The following DCBLD2 variants were observed in gnomAD, a reference collection of about 807,000 sequenced individuals.
The protein encoded by DCBLD2 is discoidin, CUB and LCCL domain containing 2, also known as discoidin, CUB and LCCL domain-containing protein 2.
In DCBLD2, 54 loss-of-function variants were observed where a neutral mutation model predicts 86.8. The ratio of observed to expected loss-of-function variants is 0.62; its 90% confidence interval spans 0.50 to 0.78. DCBLD2 has a LOEUF of 0.78. Among genes scored for constraint, DCBLD2 ranks in the 30% least tolerant of loss-of-function variants. The pLI, the probability that DCBLD2 is intolerant of heterozygous loss-of-function variation, is 0.00. For missense variants in DCBLD2, 908 were observed against 954.2 expected, an observed-to-expected ratio of 0.95 and a Z score of 0.64; for synonymous variants, 354 against 341.3, an observed-to-expected ratio of 1.04 and a Z score of -0.41.
intron 3 of DCBLD2, among the ~76,000 whole-genome samples, chr3:98,844,034 G>GCACAAACA (rs1553727570): frequency 6.9e-6 from 1 of 145,526 alleles, no homozygotes. Flanking sequence ...AATCATGCAT[G>GCACAAACA]CACACACACA....
At chr3:98,880,712 T>G (rs1243454725) in intron 2 of DCBLD2, among the ~76,000 whole-genome samples, 1 of 152,202 alleles carries the variant, frequency 6.6e-6, no homozygotes, top group Non-Finnish European at 1.5e-5. Flanking sequence ...CTGTTTACTT[T>G]TCTAAGCACG....
In DCBLD2 at chr3:98,799,112, C is replaced by CT. The variant is rs1244023901; in HGVS notation, c.*259dup. The CT allele has an allele frequency of 8.8e-6, 3 of 340,900 alleles. No homozygotes were observed. The highest frequency in any genetic ancestry group is 1.6e-5 in the Non-Finnish European group (3 of 186,442). 21.1% of individuals were successfully genotyped at this position (340,900 alleles called of 1,614,324 possible). A position where few individuals can be genotyped will look rare whatever the true frequency, so the allele number is the denominator to read the frequency against. ...TTTCTCTGAAGTGCATTATAGGGAG[C>CT]TTTTTCTGTATTAAAAATAGTGTTC... On this transcript the variant is annotated 3_prime_UTR_variant, in exon 16 of 16. Transcript: ENST00000326840.
chr3:98,811,124 T>G (rs1278173284), intron 12 of DCBLD2, 70 bp downstream of exon 12: 1 of 1,435,084 alleles, frequency 7.0e-7, no homozygotes, highest in East Asian at 2.5e-5. Context: ...GGTTTAAAAA[T>G]GCCCGTGAAA....
At chr3:98,894,563 C>T (rs560390506) in intron 1 of DCBLD2, among the ~76,000 whole-genome samples, 1 of 152,242 alleles carries the variant, frequency 6.6e-6, no homozygotes, top group East Asian at 1.9e-4. Flanking sequence ...GGATTCCTCT[C>T]ATAGTCAAGG....
In DCBLD2 at chr3:98,882,647, C is replaced by A. The variant is rs76948970; in HGVS notation, c.206-880G>T. 2.7e-3 allele frequency among the ~76,000 whole-genome samples: 417 copies of A among 152,266 alleles called. 2 individuals carry two copies. The highest frequency in any genetic ancestry group is 0.021 in the East Asian group (109 of 5,182). On this transcript the variant is annotated intron_variant, in intron 1 of 15. Coordinates refer to ENST00000326840, the MANE Select transcript of DCBLD2 (RefSeq NM_080927.4). ...ACGTGTGTTCTCATTGTTCAACCCC[C>A]ACTTATGAGTGAGAACATGTGGTGT...
At chr3:98,900,269 A>G (rs2107538160) in intron 1 of DCBLD2, among the ~76,000 whole-genome samples, 1 of 152,302 alleles carries the variant, frequency 6.6e-6, no homozygotes, top group African/African-American at 2.4e-5. Context: ...TCCAATCCTT[A>G]TCCTTCCCAC....
At position 98,870,737 on chromosome 3, in the gene DCBLD2, A is replaced by AAAAGAAAGAAAGAAAG. The variant is rs199615171; in HGVS notation, c.433+10787_433+10802dup. Among the ~76,000 whole-genome samples, 218 of 69,794 alleles carry AAAAGAAAGAAAGAAAG rather than the reference A, an allele frequency of 3.1e-3. 1 individual carries two copies. Among genetic ancestry groups the AAAAGAAAGAAAGAAAG allele is most frequent in the East Asian group, 4.3e-3 (13 of 3,012 alleles). 45.8% of individuals were successfully genotyped at this position (69,794 alleles called of 152,430 possible). On this transcript the variant is annotated intron_variant, in intron 2 of 15. Coordinates refer to ENST00000326840, the MANE Select transcript of DCBLD2 (RefSeq NM_080927.4). The stretch of plus-strand genomic sequence containing the variant: ...AAGAAAAAGGAAAAGAAAAGAAAGA[A>AAAAGAAAGAAAGAAAG]AAAGAAAGAAAGAAAGAAAGAAAGA...
intron 3 of DCBLD2, among the ~76,000 whole-genome samples, chr3:98,841,567 T>C (rs1942621616): frequency 6.6e-6 from 1 of 152,252 alleles, no homozygotes; most frequent in South Asian, 2.1e-4. Flanking sequence ...ATTGACAGTG[T>C]TGGCTATTTC....
intron 1 of DCBLD2, among the ~76,000 whole-genome samples, chr3:98,883,803 A>T (rs1943514481): frequency 6.6e-6 from 1 of 152,188 alleles, no homozygotes; most frequent in Non-Finnish European, 1.5e-5. Flanking sequence ...GACACTGCTG[A>T]GTTCTAAACT....
intron 3 of DCBLD2, among the ~76,000 whole-genome samples, chr3:98,836,039 T>G (rs909656733): frequency 1.5e-5 from 2 of 130,962 alleles, no homozygotes; most frequent in Non-Finnish European, 3.3e-5. Context: ...TTTATAGTAA[T>G]AAATCAGTCC....
chr3:98,870,810 A>AAAGAAAGAAAGAAAGAAAGAAAGGAAGG (rs760385201), intron 2 of DCBLD2, among the ~76,000 whole-genome samples: 1 of 131,580 alleles, frequency 7.6e-6, no homozygotes. Flanking sequence ...AGAAAGAAAG[A>AAAGAAAGAAAGAAAGAAAGAAAGGAAGG]AAGGTAGGCA....
In DCBLD2 at chr3:98,901,313, G is replaced by A; in HGVS notation, c.14C>T (p.Ala5Val). The A allele has an allele frequency of 1.4e-6, 2 of 1,419,150 alleles. No individual in the cohort carries two copies. The highest frequency in any genetic ancestry group is 1.8e-6 in the Non-Finnish European group (2 of 1,099,424). The allele number at this position is 1,419,150 out of a possible 1,614,324, so 87.9% of individuals were successfully genotyped here. A position where few individuals can be genotyped will look rare whatever the true frequency, so the allele number is the denominator to read the frequency against. Residue 5 changes from alanine to valine, a missense_variant, in exon 1 of 16, where the codon GCG becomes GTG. By Grantham distance (64) the Ala-to-Val change is moderately conservative (BLOSUM62 0). This residue lies in a region of DCBLD2 where 294 missense variants were observed against 256.0 expected (regional missense o/e 1.15). Coordinates refer to ENST00000326840, the MANE Select transcript of DCBLD2 (RefSeq NM_080927.4). Reference protein sequence around the residue: MASRAVVRARRCPQC... With the variant: MASRVVVRARRCPQC... ...CGGGCAGCGCCTGGCTCTCACCACC[G>A]CCCGGCTCGCCATCGCGGCGGCCGG...
chr3:98,856,865 T>C lies in DCBLD2; in HGVS notation c.434-7267A>G, dbSNP rs140815056. Among the ~76,000 whole-genome samples, 945 of 152,144 alleles carry C rather than the reference T, an allele frequency of 6.2e-3. 7 individuals are homozygous for C. The highest frequency in any genetic ancestry group is 0.022 in the African/African-American group (898 of 41,492). ...AAGAAAAAAAACAGACTAAAAAGAA[T>C]ATTTAAAAAGTAAAAAGGATCAGTG... is the stretch of plus-strand genomic sequence containing the variant. On this transcript the variant is annotated intron_variant, in intron 2 of 15. Coordinates refer to ENST00000326840, the MANE Select transcript of DCBLD2 (RefSeq NM_080927.4).
chr3:98,872,556 A>G (rs748823102), intron 2 of DCBLD2, among the ~76,000 whole-genome samples: 27 of 152,254 alleles, frequency 1.8e-4, no homozygotes, highest in Non-Finnish European at 3.4e-4. Flanking sequence ...ACTAAACAGA[A>G]TAAAACTGAG....
intron 1 of DCBLD2, among the ~76,000 whole-genome samples, chr3:98,890,749 G>A (rs769897100): frequency 5.3e-5 from 8 of 151,646 alleles, no homozygotes; most frequent in African/African-American, 1.2e-4. Context: ...ACTGCATCTC[G>A]CAGACCTTAA....
Position 98,901,342 on chromosome 3 carries a change from TCTGC to T in DCBLD2, c.-20_-17del. ...GGCTCGCCATCGCGGCGGCCGGCAGTCTGCCTGCATAGTGCGGGTGCCTCGGCAG... is the reference window on the plus strand; with the variant it reads ...GGCTCGCCATCGCGGCGGCCGGCAGTCTGCATAGTGCGGGTGCCTCGGCAG... On this transcript the variant is annotated 5_prime_UTR_variant, in exon 1 of 16. Coordinates refer to ENST00000326840, the MANE Select transcript of DCBLD2 (RefSeq NM_080927.4). The T allele has an allele frequency of 7.2e-7, 1 of 1,386,472 alleles. No homozygotes were observed. The highest frequency in any genetic ancestry group is 3.6e-5 in the Admixed American group (1 of 27,838). The allele number at this position is 1,386,472 out of a possible 1,614,324, so 85.9% of individuals were successfully genotyped here. A position where few individuals can be genotyped will look rare whatever the true frequency, so the allele number is the denominator to read the frequency against.
intron 1 of DCBLD2, 175 bp downstream of exon 1, chr3:98,900,947 A>G: frequency 8.8e-7 from 1 of 1,135,398 alleles, no homozygotes; most frequent in Non-Finnish European, 1.2e-6. Context: ...AACTTGGGGG[A>G]CAGACGGGCA....
At position 98,870,810 on chromosome 3, in the gene DCBLD2, A is replaced by AAAGAAAGAAAGG. The variant is rs760385201; in HGVS notation, c.433+10729_433+10730insCCTTTCTTTCTT. The stretch of plus-strand genomic sequence containing the variant: ...GAAAGAAAGAAAGAAAGAAAGAAAG[A>AAAGAAAGAAAGG]AAGGTAGGCAGGCATTGGTGGTATT... On this transcript the variant is annotated intron_variant, in intron 2 of 15. Coordinates refer to ENST00000326840, the MANE Select transcript of DCBLD2 (RefSeq NM_080927.4). Among the ~76,000 whole-genome samples the AAAGAAAGAAAGG allele has an allele frequency of 7.3e-3, 958 of 131,396 alleles. 9 individuals are homozygous for AAAGAAAGAAAGG. Among genetic ancestry groups the AAAGAAAGAAAGG allele is most frequent in the South Asian group, 0.014 (57 of 4,124 alleles). The allele number at this position is 131,396 out of a possible 152,430, so 86.2% of individuals were successfully genotyped here.
At position 98,819,385 on chromosome 3, in the gene DCBLD2, C is replaced by T. The variant is rs1400599716; in HGVS notation, c.904G>A (p.Val302Met). 1.2e-6 allele frequency: 2 copies of T among 1,613,742 alleles called. No individual in the cohort carries two copies. Among genetic ancestry groups the T allele is most frequent in the South Asian group, 1.1e-5 (1 of 91,080 alleles). The change falls in exon 8 of 16, where the codon GTG becomes ATG. Residue 302 changes from valine to methionine, a missense_variant. Val to Met is a conservative substitution (Grantham distance 21). Transcript: ENST00000326840. ...CYGTLGMESG[V>M]IADPQITASS... ...GCTGTTATTTGAGGATCCGCGATCA[C>T]ACCAGACTCCATCCCCAGTGTTCCA... is the stretch of plus-strand genomic sequence containing the variant.
Sources: gnomAD v4.1 joint callset for allele counts (sites outside exome capture counted in the v4.1 genomes callset) on GRCh38, gnomAD v4.1.1 for gene constraint, gnomAD v4.1.1 regional missense constraint, MANE v1.5 for transcripts, NCBI Gene and HGNC (gene_info 2026-07-23, HGNC 2026-07-21) for gene names.